Variants in LRRK1 observed in about 807,000 individuals in gnomAD.
The protein encoded by LRRK1 is leucine rich repeat kinase 1.
In LRRK1, 113 loss-of-function variants were observed where a neutral mutation model predicts 209.1. The ratio of observed to expected loss-of-function variants is 0.54; its 90% confidence interval spans 0.46 to 0.63. The LOEUF is 0.63. Among genes scored for constraint, LRRK1 ranks in the 30% least tolerant of loss-of-function variants. The pLI, the probability that LRRK1 is intolerant of heterozygous loss-of-function variation, is 0.00. For synonymous variants in LRRK1, 1,144 were observed against 1,099.7 expected (o/e 1.04, Z -0.80); for missense variants, 2,284 against 2,632.2 (o/e 0.87, Z 2.89).
intron 2 of LRRK1, among the ~76,000 whole-genome samples, chr15:100,935,036 G>T (rs2042276743): frequency 6.6e-6 from 1 of 152,150 alleles, no homozygotes; most frequent in Admixed American, 6.6e-5. Context: ...AGAATGATCT[G>T]CTCAGCCCTC....
intron 2 of LRRK1, among the ~76,000 whole-genome samples, chr15:100,938,972 A>C (rs1236752304): frequency 6.6e-6 from 1 of 152,170 alleles, no homozygotes; most frequent in East Asian, 1.9e-4. Flanking sequence ...GGGCACCTGT[A>C]ATCCCAGCTA....
chr15:101,047,135 C>T (rs187991521), intron 21 of LRRK1, among the ~76,000 whole-genome samples: 3 of 152,278 alleles, frequency 2.0e-5, no homozygotes, highest in East Asian at 3.9e-4. Flanking sequence ...CATTAAACTC[C>T]GTATGAGTTT....
chr15:101,065,157 T>C (rs1027575190), intron 31 of LRRK1, 195 bp from the exon 32 acceptor site: 8 of 622,510 alleles, frequency 1.3e-5, no homozygotes, highest in Non-Finnish European at 2.0e-5. Context: ...ATGGTAGATA[T>C]GGCTCTGCGG....
In LRRK1 at chr15:101,022,547, A is replaced by G; in HGVS notation, c.2017A>G (p.Ile673Val). The G allele has an allele frequency of 1.2e-6, 2 of 1,613,846 alleles. No homozygotes were observed. Among genetic ancestry groups the G allele is most frequent in the South Asian group, 2.2e-5 (2 of 91,082 alleles). Residue 673 changes from isoleucine to valine, a missense_variant, in exon 15 of 34, where the codon ATC (isoleucine) becomes GTC (valine). Physicochemically the swap from Ile to Val is conservative, Grantham distance 29 (BLOSUM62 3). Around this residue, in one of 6 missense-constraint regions of LRRK1, gnomAD observed 494 missense variants for 522.1 expected, o/e 0.95. Coordinates refer to ENST00000388948, the MANE Select transcript of LRRK1 (RefSeq NM_024652.6). The surrounding 1 kb of genome is among the most constrained non-coding windows in gnomAD (Gnocchi z 4.0). ...CCAGGTGGTGCATGGAGAGGCCACC[A>G]TCAGGACCACCAAGTGGGAGCTCCA... Reference protein sequence around the residue: ...APQVVHGEATIRTTKWELQRP... With the variant: ...APQVVHGEATVRTTKWELQRP...
Position 100,966,103 on chromosome 15 carries a change from A to G in LRRK1, c.98-7701A>G, listed in dbSNP as rs141433079. On this transcript the variant is annotated intron_variant, in intron 2 of 33. Coordinates refer to ENST00000388948, the MANE Select transcript of LRRK1 (RefSeq NM_024652.6). Reference sequence around the variant, plus strand: ...AATAGTTGATGAATAAGCACAAGTAACTGAATAATCTCAAATAGTATAAAT... The same window carrying G: ...AATAGTTGATGAATAAGCACAAGTAGCTGAATAATCTCAAATAGTATAAAT... Among the ~76,000 whole-genome samples, 506 of 152,366 alleles carry G rather than the reference A, an allele frequency of 3.3e-3. 2 individuals are homozygous for G. The highest frequency in any genetic ancestry group is 0.011 in the African/African-American group (477 of 41,586).
At chr15:101,065,146 G>A (rs138929106) in intron 31 of LRRK1, 2 of 611,320 alleles carry the variant, frequency 3.3e-6, no homozygotes, top group Non-Finnish European at 5.7e-6. Flanking sequence ...TTGCTGCAGG[G>A]ATGGTAGATA....
chr15:101,003,867 A>G (rs2032818398), intron 6 of LRRK1, among the ~76,000 whole-genome samples: 1 of 152,142 alleles, frequency 6.6e-6, no homozygotes, highest in Admixed American at 6.5e-5. Flanking sequence ...CCCTTTGGTC[A>G]CCATGGTAAC....
intron 12 of LRRK1, among the ~76,000 whole-genome samples, chr15:101,017,067 C>T (rs1021165665): frequency 1.3e-5 from 2 of 152,264 alleles, no homozygotes; most frequent in Non-Finnish European, 1.5e-5. Context: ...GCTACAACTT[C>T]CAAAGCCAGC....
At chr15:100,930,706 G>A (rs1316165873) in intron 2 of LRRK1, among the ~76,000 whole-genome samples, 1 of 152,244 alleles carries the variant, frequency 6.6e-6, no homozygotes, top group Non-Finnish European at 1.5e-5. Flanking sequence ...GAAGAGATCA[G>A]TAGCCTGAGA....
Position 101,076,786 on chromosome 15 carries a change from C to G in LRRK1, c.*7938C>G, listed in dbSNP as rs144067210. 1 of 152,232 alleles carries G rather than the reference C, an allele frequency of 6.6e-6. No individual in the cohort carries two copies. Among genetic ancestry groups the G allele is most frequent in the Non-Finnish European group, 1.5e-5 (1 of 68,110 alleles). 9.4% of individuals were successfully genotyped at this position (152,232 alleles called of 1,614,324 possible). On this transcript the variant is annotated 3_prime_UTR_variant, in exon 34 of 34. Coordinates refer to ENST00000388948, the MANE Select transcript of LRRK1 (RefSeq NM_024652.6). ...CAAATTGACTTTACTCAACATGCCC[C>G]GAGTCAGATAACTAAAATACCTCTT... is the stretch of plus-strand genomic sequence containing the variant.
At chr15:101,038,331 G>T (rs766103504) in intron 20 of LRRK1, among the ~76,000 whole-genome samples, 3 of 152,098 alleles carry the variant, frequency 2.0e-5, no homozygotes, top group African/African-American at 7.2e-5. Flanking sequence ...ACTTTATCAC[G>T]TAACCAAACA....
intron 2 of LRRK1, among the ~76,000 whole-genome samples, chr15:100,956,422 CT>C (rs2042757760): frequency 9.2e-6 from 1 of 108,924 alleles, no homozygotes. Flanking sequence ...AAAAAAAAAA[CT>C]CTTACTTTCG....
Position 101,026,069 on chromosome 15 carries a change from G to T in LRRK1, c.2337G>T (p.Leu779=), listed in dbSNP as rs760908020. ...TTGCAACGCTGCGTGCCTATGTGCT[G>T]GCACTCTGCCGCTCCCCCTCCGGCT... The part of the protein sequence containing the change: ...ERIATLRAYV[L]ALCRSPSGSR... The change falls in exon 17 of 34, where the codon CTG becomes CTT. Residue 779 remains leucine, a synonymous_variant. Transcript: ENST00000388948. 7 of 1,614,138 alleles carry T rather than the reference G, an allele frequency of 4.3e-6. No homozygotes were observed. The African/African-American group carries it at 8.0e-5, about 18-fold the overall frequency.
chr15:100,957,153 A>G (rs902725936), intron 2 of LRRK1, among the ~76,000 whole-genome samples: 2 of 152,208 alleles, frequency 1.3e-5, no homozygotes, highest in Admixed American at 1.3e-4. Flanking sequence ...TGATAAGAAA[A>G]GAAACTTGAT....
intron 24 of LRRK1, among the ~76,000 whole-genome samples, chr15:101,052,295 A>G (rs1373161342): frequency 6.6e-6 from 1 of 151,732 alleles, no homozygotes; most frequent in East Asian, 1.9e-4. Flanking sequence ...CTACCTCCCC[A>G]CCAGCTCTAG....
At chr15:100,940,297 T>A (rs749579206) in intron 2 of LRRK1, among the ~76,000 whole-genome samples, 4 of 152,234 alleles carry the variant, frequency 2.6e-5, no homozygotes, top group Non-Finnish European at 5.9e-5. Context: ...CTAAATTTAC[T>A]CTTCTTGACT....
At chr15:101,033,323 A>G (rs2034362800) in intron 20 of LRRK1, among the ~76,000 whole-genome samples, 1 of 152,190 alleles carries the variant, frequency 6.6e-6, no homozygotes, top group African/African-American at 2.4e-5. Flanking sequence ...TATACCATAT[A>G]TTCTTGCTAA....
chr15:101,005,338 TG>T (rs151331043), intron 6 of LRRK1, among the ~76,000 whole-genome samples: 7,048 of 152,150 alleles, frequency 0.046, 212 homozygotes, highest in Middle Eastern at 0.071. Flanking sequence ...GAAACAATAT[TG>T]GGACGAGAAC....
chr15:100,966,698 G>A (rs945441838), intron 2 of LRRK1, among the ~76,000 whole-genome samples: 9 of 152,276 alleles, frequency 5.9e-5, no homozygotes, highest in Middle Eastern at 3.4e-3. Flanking sequence ...CCACAGGGTC[G>A]GTGAGAGTGG....
Sources: gnomAD v4.1 joint callset for allele counts (sites outside exome capture counted in the v4.1 genomes callset) on GRCh38, gnomAD v4.1.1 for gene constraint, gnomAD v4.1.1 regional missense constraint, Gnocchi (gnomAD v3.1) non-coding constraint, MANE v1.5 for transcripts, NCBI Gene and HGNC (gene_info 2026-07-23, HGNC 2026-07-21) for gene names.